RCC2: variants seen among roughly 807,000 people sequenced by gnomAD.
The protein encoded by RCC2 is regulator of chromosome condensation 2, also known as protein RCC2.
A neutral mutation model predicts 64.1 loss-of-function variants in RCC2; 19 were observed. The observed-to-expected ratio is 0.30, with a 90% CI of 0.21 to 0.44. The LOEUF (loss-of-function observed/expected upper bound fraction) is 0.44. Among genes scored for constraint, RCC2 ranks in the 20% least tolerant of loss-of-function variants. The pLI is 1.00. For missense variants in RCC2, 508 were observed against 710.4 expected (o/e 0.72, Z 3.24); for synonymous variants, 325 against 279.6 (o/e 1.16, Z -1.62).
Position 17,407,000 on chromosome 1 carries a change from T to C in RCC2, c.*2090A>G, listed in dbSNP as rs1449188812. On this transcript the variant is annotated 3_prime_UTR_variant, in exon 13 of 13. Transcript: ENST00000375436. ...AACCGGGCAACTGTGTACCTTTCTC[T>C]AGGAGTGCACGACACCCTTCCCCCA... 3 of 152,150 alleles carry C rather than the reference T, an allele frequency of 2.0e-5. No individual in the cohort carries two copies. The East Asian group carries it at 5.8e-4, about 29-fold the overall frequency. 9.4% of individuals were successfully genotyped at this position (152,150 alleles called of 1,614,324 possible).
chr1:17,422,619 A>G (rs1396649662), intron 5 of RCC2, 86 bp downstream of exon 5: 6 of 1,518,618 alleles, frequency 4.0e-6, no homozygotes, highest in Non-Finnish European at 5.4e-6. Flanking sequence ...CACAAGGGGA[A>G]CTCCACCACC....
Position 17,438,326 on chromosome 1 carries a change from G to A in RCC2, c.189C>T (p.Pro63=), listed in dbSNP as rs1357148550. The A allele has an allele frequency of 1.9e-5, 24 of 1,242,078 alleles. No individual in the cohort carries two copies. Among genetic ancestry groups the A allele is most frequent in the Non-Finnish European group, 2.4e-5 (24 of 988,692 alleles). The allele number at this position is 1,242,078 out of a possible 1,614,324, so 76.9% of individuals were successfully genotyped here. A position where few individuals can be genotyped will look rare whatever the true frequency, so the allele number is the denominator to read the frequency against. Reference sequence around the variant, plus strand: ...GCCGCGCCGCGCGCTTGCCCCCGCCGGGGGCCCCGTCGAGCTCCAGGCCGT... The same window carrying A: ...GCCGCGCCGCGCGCTTGCCCCCGCCAGGGGCCCCGTCGAGCTCCAGGCCGT... ...DEDGLELDGA[P]GGGKRAARPA... The change falls in exon 2 of 13, where the codon CCC becomes CCT. Residue 63 remains proline (P), a synonymous_variant. Coordinates refer to ENST00000375436, the MANE Select transcript of RCC2 (RefSeq NM_018715.4).
Position 17,425,702 on chromosome 1 carries a change from A to G in RCC2, c.380-18T>C, listed in dbSNP as rs2075607859. 1.3e-6 allele frequency: 2 copies of G among 1,596,076 alleles called. No homozygotes were observed. The highest frequency in any genetic ancestry group is 1.1e-5 in the South Asian group (1 of 90,366). On this transcript the variant is annotated intron_variant, in intron 3 of 12. Transcript: ENST00000375436. ...GTAAGCAGCTGCAGAGAGAATGAGA[A>G]TGCAGATCAGACACCTGGGGTGGTG... is the stretch of plus-strand genomic sequence containing the variant.
At chr1:17,417,763 G>A (rs1451216084) in intron 7 of RCC2, among the ~76,000 whole-genome samples, 1 of 152,048 alleles carries the variant, frequency 6.6e-6, no homozygotes, top group Non-Finnish European at 1.5e-5. Context: ...CCTCCATACG[G>A]CACGCTGGTG....
At chr1:17,412,276 G>C in intron 10 of RCC2, 82 bp from the exon 11 acceptor site, 1 of 1,293,762 alleles carries the variant, frequency 7.7e-7, no homozygotes, top group African/African-American at 1.5e-5. Context: ...GCATGAGTGT[G>C]AGCTGCCACT....
At chr1:17,437,062 G>C (rs2075742450) in intron 2 of RCC2, among the ~76,000 whole-genome samples, 1 of 152,176 alleles carries the variant, frequency 6.6e-6, no homozygotes, top group South Asian at 2.1e-4. Context: ...AATTTGCAGG[G>C]ACATCAGGAG....
chr1:17,423,577 CCAAA>C (rs2075580209), intron 4 of RCC2, among the ~76,000 whole-genome samples: 1 of 152,244 alleles, frequency 6.6e-6, no homozygotes, highest in South Asian at 2.1e-4. Context: ...AAATTCAACT[CCAAA>C]CAGACGTGGA....
rs770189956 is a variant in RCC2 at position 17,420,929 on chromosome 1, G to C, written c.745-101C>G. 2.4e-5 allele frequency: 18 copies of C among 737,782 alleles called. 1 individual carries two copies. Among genetic ancestry groups the C allele is most frequent in the Middle Eastern group, 4.8e-4 (2 of 4,148 alleles). The allele number at this position is 737,782 out of a possible 1,614,324, so 45.7% of individuals were successfully genotyped here. On this transcript the variant is annotated intron_variant, in intron 6 of 12. Coordinates refer to ENST00000375436, the MANE Select transcript of RCC2 (RefSeq NM_018715.4). ...GGAAACAATTACTAGGTTACAAACG[G>C]AAGTTTAATAAACTCAGTAATTCTG...
At chr1:17,429,273 A>G in intron 2 of RCC2, 74 bp from the exon 3 acceptor site, 1 of 1,167,534 alleles carries the variant, frequency 8.6e-7, no homozygotes, top group South Asian at 1.2e-5. Context: ...GTCCAATGAC[A>G]GCACGAAACG....
At chr1:17,427,415 T>G (rs1044970618) in intron 3 of RCC2, among the ~76,000 whole-genome samples, 4 of 152,126 alleles carry the variant, frequency 2.6e-5, no homozygotes, top group African/African-American at 9.7e-5. Flanking sequence ...ACATCAACAA[T>G]TTCCTGGGGA....
chr1:17,439,322 C>G (rs2075780673), intron 1 of RCC2, among the ~76,000 whole-genome samples: 1 of 148,178 alleles, frequency 6.7e-6, no homozygotes, highest in East Asian at 2.0e-4. Flanking sequence ...TGCGCTCTCC[C>G]CTGTCTGCTT....
intron 3 of RCC2, among the ~76,000 whole-genome samples, chr1:17,427,043 G>A (rs934202555): frequency 6.6e-6 from 1 of 152,158 alleles, no homozygotes. Flanking sequence ...TTACAGGCGT[G>A]AGCCACCATG....
intron 11 of RCC2, 141 bp from the exon 12 acceptor site, chr1:17,410,192 C>G: frequency 1.4e-6 from 1 of 710,668 alleles, no homozygotes; most frequent in South Asian, 1.6e-5. Flanking sequence ...CCCGGCCACC[C>G]TTGCACACAA....
Position 17,425,593 on chromosome 1 carries a change from C to G in RCC2, c.471G>C (p.Ser157=). The G allele has an allele frequency of 1.2e-6, 2 of 1,614,064 alleles. No individual in the cohort carries two copies. The highest frequency in any genetic ancestry group is 1.7e-6 in the Non-Finnish European group (2 of 1,179,988). Residue 157 remains serine, a synonymous_variant, in exon 4 of 13, where the codon TCG becomes TCC. Transcript: ENST00000375436. Reference sequence around the variant, plus strand: ...TGATGAGGAGGCTGTGTGCAGCACACGAGCCCGAGACCACTGTCCGCACCC... The same window carrying G: ...TGATGAGGAGGCTGTGTGCAGCACAGGAGCCCGAGACCACTGTCCGCACCC... ...GVRVRTVVSG[S]CAAHSLLITT... is the part of the protein sequence containing the mutation.
chr1:17,435,985 A>G (rs2075731664), intron 2 of RCC2, among the ~76,000 whole-genome samples: 1 of 151,738 alleles, frequency 6.6e-6, no homozygotes, highest in African/African-American at 2.4e-5. Context: ...ATAAAGGGGC[A>G]TCATATGCTG....
At chr1:17,423,498 T>C (rs1557628205) in intron 4 of RCC2, among the ~76,000 whole-genome samples, 1 of 152,200 alleles carries the variant, frequency 6.6e-6, no homozygotes, top group South Asian at 2.1e-4. Context: ...ACCAAGGCCC[T>C]GTATCTGTGA....
rs577825870 is a variant in RCC2, at chr1:17,422,438, G to C, written c.656-147C>G. 72 of 777,858 alleles carry C rather than the reference G, an allele frequency of 9.3e-5. No homozygotes were observed. In the African/African-American group the frequency reaches 1.2e-3, roughly 13 times the overall value. 48.2% of individuals were successfully genotyped at this position (777,858 alleles called of 1,614,324 possible). ...CTGCCCAAAAGCTGGCAGTGCAGACGCTTCACAGCAAAGCCATTTCACATC... is the reference window on the plus strand; with the variant it reads ...CTGCCCAAAAGCTGGCAGTGCAGACCCTTCACAGCAAAGCCATTTCACATC... On this transcript the variant is annotated intron_variant, in intron 5 of 12. Transcript: ENST00000375436.
At chr1:17,420,086 G>C (rs75102416) in intron 7 of RCC2, among the ~76,000 whole-genome samples, 2 of 152,172 alleles carry the variant, frequency 1.3e-5, no homozygotes, top group Non-Finnish European at 2.9e-5. Flanking sequence ...TGGAGGCAGA[G>C]CCACAACCGG....
chr1:17,430,652 G>C (rs1035808969), intron 2 of RCC2, among the ~76,000 whole-genome samples: 1 of 152,112 alleles, frequency 6.6e-6, no homozygotes, highest in African/African-American at 2.4e-5. Context: ...GCCAGGCGTG[G>C]TGGCATCCGC....
Sources: gnomAD v4.1 joint callset for allele counts (sites outside exome capture counted in the v4.1 genomes callset) on GRCh38, gnomAD v4.1.1 for gene constraint, MANE v1.5 for transcripts, NCBI Gene and HGNC (gene_info 2026-07-23, HGNC 2026-07-21) for gene names.